ATP1A3: variants seen among roughly 807,000 people sequenced by gnomAD.
ATP1A3 encodes sodium/potassium-transporting ATPase subunit alpha-3.
In ATP1A3, 12 loss-of-function variants were observed where a neutral mutation model predicts 108.8. The observed-to-expected ratio is 0.11, with a 90% CI of 0.07 to 0.18. ATP1A3 has a LOEUF of 0.18. Among genes scored for constraint, ATP1A3 ranks in the 10% least tolerant of loss-of-function variants. ATP1A3 has a pLI of 1.00. For missense variants in ATP1A3, 498 were observed against 1,387.7 expected (o/e 0.36, Z 10.19); for synonymous variants, 539 against 564.5 (o/e 0.95, Z 0.64).
At chr19:41,976,671 G>A in intron 14 of ATP1A3, 105 bp from the exon 15 acceptor site, 4 of 1,517,200 alleles carry the variant, frequency 2.6e-6, no homozygotes, top group Non-Finnish European at 3.6e-6. Context: ...ACAACCAGGA[G>A]AGCCAGAGGA....
At chr19:41,992,396 C>T (rs1232640369) in intron 1 of ATP1A3, among the ~76,000 whole-genome samples, 1 of 151,208 alleles carries the variant, frequency 6.6e-6, no homozygotes, top group Non-Finnish European at 1.5e-5. Context: ...TCGCTGTGGC[C>T]GCCTCTGCAG....
chr19:41,986,045 G>C, intron 5 of ATP1A3, 47 bp from the exon 6 acceptor site: 1 of 1,614,108 alleles, frequency 6.2e-7, no homozygotes, highest in South Asian at 1.1e-5. Context: ...CCTCTGCCTG[G>C]GGGTCACTGG....
chr19:41,979,944 T>C (rs140957563), intron 11 of ATP1A3, among the ~76,000 whole-genome samples: 5 of 152,324 alleles, frequency 3.3e-5, no homozygotes, highest in African/African-American at 7.2e-5. Context: ...CTCCTCAGAG[T>C]CACAGCCAAG....
Position 41,988,177 on chromosome 19 carries a change from C to T in ATP1A3, c.154-38G>A, listed in dbSNP as rs572499720. 2 of 1,613,636 alleles carry T rather than the reference C, an allele frequency of 1.2e-6. No homozygotes were observed. Among genetic ancestry groups the T allele is most frequent in the African/African-American group, 2.7e-5 (2 of 75,016 alleles). ...GGACTCACACAGAACCCTCCCTGGG[C>T]AACCCTGGCACCCCAGGCCTTCACC... On this transcript the variant is annotated intron_variant, in intron 3 of 22. Coordinates refer to ENST00000648268, the MANE Select transcript of ATP1A3 (RefSeq NM_152296.5). The surrounding 1 kb of genome is among the most constrained non-coding windows in gnomAD (Gnocchi z 5.3).
intron 16 of ATP1A3, among the ~76,000 whole-genome samples, chr19:41,971,730 G>A (rs900116817): frequency 6.6e-6 from 1 of 152,128 alleles, no homozygotes; most frequent in Non-Finnish European, 1.5e-5. Flanking sequence ...TGTCTAGGAG[G>A]AGGGATATAG....
At position 41,994,214 on chromosome 19, in the gene ATP1A3, C is replaced by T. The variant is rs1289172670; in HGVS notation, c.-138G>A. 45 of 796,244 alleles carry T rather than the reference C, an allele frequency of 5.7e-5. No individual in the cohort carries two copies. Among genetic ancestry groups the T allele is most frequent in the African/African-American group, 1.8e-5 (1 of 54,214 alleles). 49.3% of individuals were successfully genotyped at this position (796,244 alleles called of 1,614,324 possible). A position where few individuals can be genotyped will look rare whatever the true frequency, so the allele number is the denominator to read the frequency against. On this transcript the variant is annotated 5_prime_UTR_variant, in exon 1 of 23. Transcript: ENST00000648268. ...CGCGTCCGTCCGTCCGTCCGTTGGT[C>T]CCACCGCACAGAGGCTGCGGCGGCC...
chr19:41,972,849 G>A (rs1468344225), intron 16 of ATP1A3, among the ~76,000 whole-genome samples: 72 of 139,110 alleles, frequency 5.2e-4, no homozygotes, highest in African/African-American at 2.0e-3. Flanking sequence ...AAGGAAGGAA[G>A]GAAGGAAGGA....
chr19:41,989,316 CTTT>C (rs1217199421), intron 1 of ATP1A3, among the ~76,000 whole-genome samples: 1 of 134,808 alleles, frequency 7.4e-6, no homozygotes. Flanking sequence ...ACATATCTGT[CTTT>C]TTTTTTTTTT....
chr19:41,968,945 G>C lies in ATP1A3; in HGVS notation c.2689-30C>G, dbSNP rs1360668511. ...AGGAGCGGTGACCAGGGCACGGGAC[G>C]TCAGTTAGTGGCACTGCAGCCCTAG... is the stretch of plus-strand genomic sequence containing the variant. On this transcript the variant is annotated intron_variant, in intron 19 of 22. Coordinates refer to ENST00000648268, the MANE Select transcript of ATP1A3 (RefSeq NM_152296.5). This position sits in a 1 kb window ranked among gnomAD's most constrained non-coding sequence, Gnocchi z 5.0. The C allele has an allele frequency of 2.5e-6, 4 of 1,613,016 alleles. No homozygotes were observed. The highest frequency in any genetic ancestry group is 3.4e-6 in the Non-Finnish European group (4 of 1,179,418).
At chr19:41,980,262 C>T (rs549012573) in intron 11 of ATP1A3, among the ~76,000 whole-genome samples, 2 of 152,354 alleles carry the variant, frequency 1.3e-5, no homozygotes, top group Admixed American at 6.5e-5. Flanking sequence ...TCACTCACTA[C>T]TGTGTGTACA....
At position 41,975,546 on chromosome 19, in the gene ATP1A3, C is replaced by T. The variant is rs370758989; in HGVS notation, c.2263+83G>A. ...CCTGTGGTCTCTGCCACACATCCCC[C>T]TGCAGCCCTGGCCAGTTCCCCTTGC... is the stretch of plus-strand genomic sequence containing the variant. On this transcript the variant is annotated intron_variant, in intron 16 of 22. Transcript: ENST00000648268. 1.7e-4 allele frequency: 265 copies of T among 1,582,064 alleles called. No individual in the cohort carries two copies. The African/African-American group carries it at 3.2e-3, about 19-fold the overall frequency.
At position 41,985,008 on chromosome 19, in the gene ATP1A3, G is replaced by A; in HGVS notation, c.903C>T (p.Leu301=). 6.2e-7 allele frequency: 1 copy of A among 1,614,172 alleles called. No individual in the cohort carries two copies. The highest frequency in any genetic ancestry group is 8.5e-7 in the Non-Finnish European group (1 of 1,179,996). ...FLGVSFFILS[L]ILGYTWLEAV... is the part of the protein sequence containing the mutation. ...CCTCAAGCCAGGTGTATCCGAGAAT[G>A]AGGGAGAGGATGAAGAAGGAGACAC... The change falls in exon 8 of 23, where the codon CTC becomes CTT. Residue 301 remains leucine, a synonymous_variant. Transcript: ENST00000648268. The surrounding 1 kb of genome is among the most constrained non-coding windows in gnomAD (Gnocchi z 8.2).
chr19:41,970,663 G>A (rs868914316), intron 16 of ATP1A3, 121 bp from the exon 17 acceptor site: 37 of 1,185,748 alleles, frequency 3.1e-5, no homozygotes, highest in African/African-American at 8.9e-5. Flanking sequence ...ACAGAGTCTC[G>A]CTGTGTTGCC....
chr19:41,973,176 G>T (rs1232863192), intron 16 of ATP1A3, among the ~76,000 whole-genome samples: 2 of 152,222 alleles, frequency 1.3e-5, no homozygotes, highest in Non-Finnish European at 2.9e-5. Flanking sequence ...GCCGCTGCAG[G>T]TGGGATGGAG....
At position 41,978,193 on chromosome 19, in the gene ATP1A3, G is replaced by C; in HGVS notation, c.1764C>G (p.Ala588=). 2 of 1,614,216 alleles carry C rather than the reference G, an allele frequency of 1.2e-6. No homozygotes were observed. The highest frequency in any genetic ancestry group is 1.7e-6 in the Non-Finnish European group (2 of 1,180,038). The change falls in exon 13 of 23, where the codon GCC becomes GCG. Residue 588 remains alanine, a synonymous_variant. Transcript: ENST00000648268. This position sits in a 1 kb window ranked among gnomAD's most constrained non-coding sequence, Gnocchi z 8.3. The stretch of plus-strand genomic sequence containing the variant: ...GACACTTGCCCACCGCGTCAGGGAC[G>C]GCTGCCCGGGGTGGGTCGATCATGG... ...LMSMIDPPRA[A]VPDAVGKCRS...
Position 41,994,122 on chromosome 19 carries a change from C to A in ATP1A3, c.-46G>T. The A allele has an allele frequency of 6.5e-7, 1 of 1,548,962 alleles. No homozygotes were observed. The highest frequency in any genetic ancestry group is 8.7e-7 in the Non-Finnish European group (1 of 1,151,686). ...AGAGCCAGGCGGGCGGGGCGGGGAC[C>A]TCGGGGCGGGCTCAGGCTCAGGCTT... On this transcript the variant is annotated 5_prime_UTR_variant, in exon 1 of 23. The change creates a new upstream start codon in the 5' untranslated region. Transcript: ENST00000648268.
chr19:41,975,837 TC>T (rs1555860898), intron 15 of ATP1A3, 40 bp from the exon 16 acceptor site: 1 of 1,608,302 alleles, frequency 6.2e-7, no homozygotes, highest in South Asian at 1.1e-5. Flanking sequence ...CAGAGGCCAG[TC>T]CCCAGAGTCC....
At chr19:41,973,352 C>A (rs1360307890) in intron 16 of ATP1A3, among the ~76,000 whole-genome samples, 1 of 152,180 alleles carries the variant, frequency 6.6e-6, no homozygotes, top group Non-Finnish European at 1.5e-5. Flanking sequence ...ACCACCCAGG[C>A]TCAAGTGATC....
intron 8 of ATP1A3, among the ~76,000 whole-genome samples, 164 bp from the exon 9 acceptor site, chr19:41,982,270 TAGAAAC>T (rs2075241221): frequency 6.6e-6 from 1 of 151,928 alleles, no homozygotes; most frequent in East Asian, 1.9e-4. Flanking sequence ...TTCAGACCAA[TAGAAAC>T]AGGGCAGAGA....
Sources: allele counts gnomAD v4.1 joint callset (sites outside exome capture counted in the v4.1 genomes callset), GRCh38; gene constraint gnomAD v4.1.1; non-coding constraint Gnocchi (gnomAD v3.1); transcripts MANE v1.5; gene names NCBI Gene and HGNC (gene_info 2026-07-23, HGNC 2026-07-21).